Variants in SLC12A7 observed in about 807,000 individuals in gnomAD.
SLC12A7 encodes the protein solute carrier family 12 member 7.
A neutral mutation model predicts 120.6 loss-of-function variants in SLC12A7; 100 were observed. The ratio of observed to expected loss-of-function variants is 0.83; its 90% CI spans 0.71 to 0.98. SLC12A7 has a LOEUF of 0.98. SLC12A7 is among the 50% of genes least tolerant of loss of function. The probability of loss-of-function intolerance (pLI) is 0.00; values close to 1 mark genes in which losing one functional copy is unlikely to be tolerated. For synonymous variants in SLC12A7, 760 were observed against 678.0 expected, an observed-to-expected ratio of 1.12 and a Z score of -1.88; for missense variants, 1,373 against 1,548.1, an observed-to-expected ratio of 0.89 and a Z score of 1.90.
Position 1,073,754 on chromosome 5 carries a change from T to C in SLC12A7, c.2120A>G (p.Lys707Arg). Residue 707 changes from lysine to arginine, a missense_variant, in exon 17 of 24, where the codon AAG becomes AGG. Physicochemically the swap from Lys to Arg is conservative, Grantham distance 26. Coordinates refer to ENST00000264930, the MANE Select transcript of SLC12A7 (RefSeq NM_006598.3). ...CGTGAAGGACAGCAGGCGGGGGTGC[T>C]TCACGGCCTGCTCCGCGTCCAGGTT... is the stretch of plus-strand genomic sequence containing the variant. ...MLNLDAEQAVKHPRLLSFTSQ... is the reference protein window; with the variant it reads ...MLNLDAEQAVRHPRLLSFTSQ... 1 of 1,536,874 alleles carries C rather than the reference T, an allele frequency of 6.5e-7. No homozygotes were observed. Among genetic ancestry groups the C allele is most frequent in the Non-Finnish European group, 8.8e-7 (1 of 1,137,332 alleles).
chr5:1,076,321 A>G (rs1347219105), intron 13 of SLC12A7, 85 bp from the exon 14 acceptor site: 2 of 1,063,780 alleles, frequency 1.9e-6, no homozygotes, highest in Non-Finnish European at 2.7e-6. Context: ...CACCCTTGTC[A>G]CTGTCCCTCC....
rs1172557075 is a variant in SLC12A7 at position 1,053,436 on chromosome 5, C to T, written c.3073G>A (p.Gly1025Ser). Residue 1025 changes from glycine (G) to serine (S), a missense_variant, in exon 23 of 24, where the codon GGC (glycine) becomes AGC (serine). By Grantham distance (56) the Gly-to-Ser change is moderately conservative. Coordinates refer to ENST00000264930, the MANE Select transcript of SLC12A7 (RefSeq NM_006598.3). Reference protein sequence around the residue: ...RRMHTAVKLNGVVLNKSQDAQ... With the variant: ...RRMHTAVKLNSVVLNKSQDAQ... ...TCCTGGGACTTGTTGAGGACGACGC[C>T]ATTGAGCTTCACAGCCGTGTGCATC... The T allele has an allele frequency of 6.2e-7, 1 of 1,613,816 alleles. No individual in the cohort carries two copies. Among genetic ancestry groups the T allele is most frequent in the East Asian group, 2.2e-5 (1 of 44,890 alleles).
At chr5:1,155,815 C>T in the SLC12A7 span, among the ~76,000 whole-genome samples, 1 of 151,106 alleles carries the variant, frequency 6.6e-6, no homozygotes, top group African/African-American at 2.4e-5. Flanking sequence ...CCTTCCTTGG[C>T]CCCGGGCCCC....
chr5:1,108,491 G>T (rs1374768865), intron 1 of SLC12A7, among the ~76,000 whole-genome samples: 2 of 152,212 alleles, frequency 1.3e-5, no homozygotes. Flanking sequence ...CAGCCGCGGG[G>T]TCAACAGCCT....
At chr5:1,082,012 TCGGG>T in intron 8 of SLC12A7, among the ~76,000 whole-genome samples, 1 of 72,112 alleles carries the variant, frequency 1.4e-5, no homozygotes, top group Non-Finnish European at 4.4e-5. Flanking sequence ...GCTTCCCGTC[TCGGG>T]TTCTGGAAAG....
chr5:1,097,540 G>A (rs553202367), intron 1 of SLC12A7, among the ~76,000 whole-genome samples: 1 of 152,236 alleles, frequency 6.6e-6, no homozygotes. Context: ...GGTCACACCC[G>A]AGATCCCTGC....
the SLC12A7 span, among the ~76,000 whole-genome samples, chr5:1,129,254 G>A: frequency 6.6e-6 from 1 of 152,190 alleles, no homozygotes; most frequent in African/African-American, 2.4e-5. Context: ...CCCAAGGGCT[G>A]AGCTGTTGCA....
chr5:1,074,780 A>G (rs1738135465), intron 15 of SLC12A7, 109 bp from the exon 16 acceptor site: 15 of 1,011,184 alleles, frequency 1.5e-5, no homozygotes, highest in Non-Finnish European at 2.2e-5. Context: ...CAGGACCCCC[A>G]GGAAAAGTCC....
intron 6 of SLC12A7, 94 bp downstream of exon 6, chr5:1,086,809 T>C (rs771309236): frequency 8.0e-5 from 121 of 1,512,912 alleles, no homozygotes; most frequent in Non-Finnish European, 1.0e-4. Flanking sequence ...GATGGCTCAG[T>C]GTGCTGTGTG....
At chr5:1,052,665 G>A (rs571036742) in intron 23 of SLC12A7, among the ~76,000 whole-genome samples, 1 of 152,278 alleles carries the variant, frequency 6.6e-6, no homozygotes, top group East Asian at 1.9e-4. Flanking sequence ...GAAAGAGAGG[G>A]AGCACCGTGG....
intron 9 of SLC12A7, among the ~76,000 whole-genome samples, chr5:1,080,042 G>A (rs1237865943): frequency 3.3e-5 from 5 of 152,314 alleles, no homozygotes; most frequent in Non-Finnish European, 5.9e-5. Context: ...CGCCTGGCTC[G>A]GTCCCATCCA....
At position 1,091,310 on chromosome 5, in the gene SLC12A7, G is replaced by A. The variant is rs1740470145; in HGVS notation, c.343-2182C>T. On this transcript the variant is annotated intron_variant, in intron 3 of 23. Coordinates refer to ENST00000264930, the MANE Select transcript of SLC12A7 (RefSeq NM_006598.3). ...CTCAGTACCAAGTAGGGTGAGAGAA[G>A]CTGGGGTGTGCTCTCTATGGGCACC... Among the ~76,000 whole-genome samples the A allele has an allele frequency of 2.0e-5, 3 of 152,230 alleles. No individual in the cohort carries two copies. The South Asian group carries it at 6.2e-4, about 32-fold the overall frequency.
chr5:1,106,978 T>C (rs1374363120), intron 1 of SLC12A7, among the ~76,000 whole-genome samples: 2 of 152,184 alleles, frequency 1.3e-5, no homozygotes, highest in Non-Finnish European at 2.9e-5. Context: ...CACACCTCAC[T>C]GCTTCGCCCA....
chr5:1,155,562 C>T, the SLC12A7 span, among the ~76,000 whole-genome samples: 1 of 151,318 alleles, frequency 6.6e-6, no homozygotes, highest in Non-Finnish European at 1.5e-5. Context: ...CTGGGGGGAC[C>T]CCAGGCAGGG....
At chr5:1,120,500 C>A in the SLC12A7 span, among the ~76,000 whole-genome samples, 2 of 152,258 alleles carry the variant, frequency 1.3e-5, no homozygotes, top group African/African-American at 4.8e-5. Flanking sequence ...TGCTCACAGC[C>A]GCTGTACCTC....
intron 4 of SLC12A7, 128 bp from the exon 5 acceptor site, chr5:1,088,488 C>T: frequency 1.0e-6 from 1 of 995,322 alleles, no homozygotes; most frequent in Non-Finnish European, 1.5e-6. Context: ...GGCTCTCCAT[C>T]TCAATGGAGT....
chr5:1,082,376 C>CTA (rs1739269633), intron 8 of SLC12A7, among the ~76,000 whole-genome samples: 113 of 128,658 alleles, frequency 8.8e-4, no homozygotes, highest in African/African-American at 2.9e-3. Context: ...CTTCCCGTCT[C>CTA]GGGTTCTGGA....
intron 1 of SLC12A7, among the ~76,000 whole-genome samples, chr5:1,096,766 A>AGG (rs1741230813): frequency 9.5e-4 from 22 of 23,098 alleles, no homozygotes; most frequent in East Asian, 7.4e-3. Flanking sequence ...GGAGGAAGGA[A>AGG]AGGAGGGAGG....
intron 20 of SLC12A7, among the ~76,000 whole-genome samples, chr5:1,063,601 C>T (rs886721635): frequency 2.0e-5 from 3 of 151,888 alleles, no homozygotes; most frequent in East Asian, 1.9e-4. Context: ...CCACAATCGC[C>T]ACCACCTTCT....
Sources: allele counts gnomAD v4.1 joint callset (sites outside exome capture counted in the v4.1 genomes callset), GRCh38; gene constraint gnomAD v4.1.1; transcripts MANE v1.5; gene names NCBI Gene and HGNC (gene_info 2026-07-23, HGNC 2026-07-21).